The following PHF11 variants were observed in gnomAD, a reference collection of about 807,000 sequenced individuals.
The protein encoded by PHF11 is BRCA1 C-terminus-associated protein.
A neutral mutation model predicts 40.5 loss-of-function variants in PHF11; 38 were observed. The ratio of observed to expected loss-of-function variants is 0.94; its 90% CI spans 0.72 to 1.23. The LOEUF is 1.23. Ranked by LOEUF, PHF11 falls within the 50% of genes most tolerant of loss-of-function variation. PHF11 has a pLI of 0.00. For missense variants in PHF11, 369 were observed against 392.4 expected, an observed-to-expected ratio of 0.94 and a Z score of 0.50; for synonymous variants, 127 against 138.2, an observed-to-expected ratio of 0.92 and a Z score of 0.57.
intron 1 of PHF11, among the ~76,000 whole-genome samples, chr13:49,503,205 C>T (rs1278786638): frequency 2.6e-5 from 4 of 152,076 alleles, no homozygotes; most frequent in African/African-American, 9.7e-5. Flanking sequence ...TGGCTGCTTC[C>T]CTCTACAGTG....
At chr13:49,522,784 A>G (rs1428126085) in intron 6 of PHF11, among the ~76,000 whole-genome samples, 1 of 120,896 alleles carries the variant, frequency 8.3e-6, no homozygotes, top group African/African-American at 3.4e-5. Flanking sequence ...TTTTTTTTTG[A>G]GACAGAGTCT....
intron 1 of PHF11, among the ~76,000 whole-genome samples, chr13:49,498,652 A>G (rs1958858219): frequency 6.6e-6 from 1 of 152,154 alleles, no homozygotes; most frequent in African/African-American, 2.4e-5. Flanking sequence ...CAGTAACGTA[A>G]TACATTTCAG....
chr13:49,501,198 A>G (rs1004461015), intron 1 of PHF11, among the ~76,000 whole-genome samples: 2 of 151,826 alleles, frequency 1.3e-5, no homozygotes, highest in Non-Finnish European at 2.9e-5. Flanking sequence ...TTTTTAGTAG[A>G]GACGGGGTTT....
At chr13:49,518,618 T>C (rs1447557774) in intron 4 of PHF11, 1 of 152,188 alleles carries the variant, frequency 6.6e-6, no homozygotes, top group Non-Finnish European at 1.5e-5. Context: ...AATAGTCAAC[T>C]GAGGTAGATA....
At chr13:49,507,584 T>C (rs981066440) in intron 2 of PHF11, among the ~76,000 whole-genome samples, 1 of 152,208 alleles carries the variant, frequency 6.6e-6, no homozygotes, top group Non-Finnish European at 1.5e-5. Context: ...AAATTGTTCT[T>C]CAAAGAGATT....
rs1959199458 is a variant in PHF11 at position 49,523,229 on chromosome 13, G to A, written c.625G>A (p.Gly209Ser). The change falls in exon 7 of 10, where the codon GGC (glycine) becomes AGC (serine). Residue 209 changes from glycine (G) to serine (S), a missense_variant. Coordinates refer to ENST00000378319, the MANE Select transcript of PHF11 (RefSeq NM_001040443.3). The part of the protein sequence containing the change: ...TFIRQVKEEH[G>S]RHTDATVKVP... ...CATAAGACAAGTGAAAGAAGAGCAT[G>A]GCAGACACACAGGTTTGCGCTAAGT... is the stretch of plus-strand genomic sequence containing the variant. 1 of 1,610,258 alleles carries A rather than the reference G, an allele frequency of 6.2e-7. No homozygotes were observed. The highest frequency in any genetic ancestry group is 8.5e-7 in the Non-Finnish European group (1 of 1,176,572).
intron 7 of PHF11, chr13:49,523,478 T>C (rs1959201570): frequency 3.9e-6 from 2 of 509,388 alleles, no homozygotes; most frequent in Non-Finnish European, 6.9e-6. Context: ...CTTCTATTAA[T>C]AAAGACACAG....
chr13:49,498,181 G>C (rs1958844811), intron 1 of PHF11, among the ~76,000 whole-genome samples: 1 of 152,144 alleles, frequency 6.6e-6, no homozygotes, highest in Non-Finnish European at 1.5e-5. Flanking sequence ...GACATAGTAG[G>C]TACTCATTAA....
At chr13:49,526,221 C>A in intron 8 of PHF11, 166 bp from the exon 9 acceptor site, 6 of 539,160 alleles carry the variant, frequency 1.1e-5, no homozygotes, top group Non-Finnish European at 2.0e-5. Context: ...AATTACATTT[C>A]TGACAGCTTC....
Position 49,495,954 on chromosome 13 carries a change from C to T in PHF11, c.-48C>T, listed in dbSNP as rs1170260671. 7 of 1,282,356 alleles carry T rather than the reference C, an allele frequency of 5.5e-6. No homozygotes were observed. The highest frequency in any genetic ancestry group is 7.5e-6 in the Non-Finnish European group (7 of 934,610). 79.4% of individuals were successfully genotyped at this position (1,282,356 alleles called of 1,614,324 possible). Reference sequence around the variant, plus strand: ...AACGAAACCTAGTGCAGCTGGGGCACTTCCGGGATCTCGCTATCCGGCCGC... The same window carrying T: ...AACGAAACCTAGTGCAGCTGGGGCATTTCCGGGATCTCGCTATCCGGCCGC... On this transcript the variant is annotated 5_prime_UTR_variant, in exon 1 of 10. Coordinates refer to ENST00000378319, the MANE Select transcript of PHF11 (RefSeq NM_001040443.3).
At position 49,528,802 on chromosome 13, in the gene PHF11, G is replaced by A; in HGVS notation, c.*137G>A. Reference sequence around the variant, plus strand: ...CAGCAGCTCTTCCCTGTTCTTACTGGTTGACATTTTGATCACTCTTTGCAC... The same window carrying A: ...CAGCAGCTCTTCCCTGTTCTTACTGATTGACATTTTGATCACTCTTTGCAC... On this transcript the variant is annotated 3_prime_UTR_variant, in exon 10 of 10. Coordinates refer to ENST00000378319, the MANE Select transcript of PHF11 (RefSeq NM_001040443.3). The A allele has an allele frequency of 1.6e-6, 1 of 618,098 alleles. No individual in the cohort carries two copies. Among genetic ancestry groups the A allele is most frequent in the Non-Finnish European group, 2.8e-6 (1 of 357,046 alleles). The allele number at this position is 618,098 out of a possible 1,614,324, so 38.3% of individuals were successfully genotyped here.
At chr13:49,507,937 A>G (rs1412557914) in intron 2 of PHF11, among the ~76,000 whole-genome samples, 1 of 152,050 alleles carries the variant, frequency 6.6e-6, no homozygotes, top group East Asian at 1.9e-4. Flanking sequence ...TGGCTTTATT[A>G]CTAGCCTTGG....
chr13:49,506,757 G>A lies in PHF11; in HGVS notation c.216+1G>A. The A allele has an allele frequency of 6.2e-7, 1 of 1,605,098 alleles. No homozygotes were observed. The highest frequency in any genetic ancestry group is 1.7e-5 in the Admixed American group (1 of 59,684). On this transcript the variant is annotated splice_donor_variant, in intron 2 of 9. Coordinates refer to ENST00000378319, the MANE Select transcript of PHF11 (RefSeq NM_001040443.3). LOFTEE classifies it high-confidence loss of function. ...TATAGCTGCTCATGAGAATTGTTTG[G>A]TAAGTTACTTGAAAACATACTTCAA...
intron 1 of PHF11, chr13:49,496,492 G>T (rs1958812403): frequency 1.0e-5 from 10 of 995,408 alleles, no homozygotes; most frequent in Non-Finnish European, 1.2e-5. Context: ...GGTGAGGCAG[G>T]GGGCGGCCCT....
In PHF11 at chr13:49,528,868, A is replaced by C. The variant is rs1353883425; in HGVS notation, c.*203A>C. On this transcript the variant is annotated 3_prime_UTR_variant, in exon 10 of 10. Coordinates refer to ENST00000378319, the MANE Select transcript of PHF11 (RefSeq NM_001040443.3). ...GCTCACTGTCACATTCCCAGCACCT[A>C]GTATGCTCAGTAAATGTTTGTGGAA... The C allele has an allele frequency of 2.1e-6, 1 of 475,994 alleles. No homozygotes were observed. Among genetic ancestry groups the C allele is most frequent in the African/African-American group, 2.0e-5 (1 of 51,204 alleles). The allele number at this position is 475,994 out of a possible 1,614,324, so 29.5% of individuals were successfully genotyped here. A position where few individuals can be genotyped will look rare whatever the true frequency, so the allele number is the denominator to read the frequency against.
At chr13:49,523,056 C>T in intron 6 of PHF11, 119 bp from the exon 7 acceptor site, 2 of 770,970 alleles carry the variant, frequency 2.6e-6, no homozygotes, top group Non-Finnish European at 4.6e-6. Flanking sequence ...AGACACCGCG[C>T]CCAGCCAGGG....
At chr13:49,521,027 T>C (rs1419375074) in intron 5 of PHF11, 87 bp downstream of exon 5, 2 of 1,457,224 alleles carry the variant, frequency 1.4e-6, no homozygotes, top group Non-Finnish European at 1.8e-6. Context: ...TCTAGCCTCG[T>C]TGAATTAAAA....
At chr13:49,504,440 A>G (rs1034255305) in intron 1 of PHF11, among the ~76,000 whole-genome samples, 13 of 151,794 alleles carry the variant, frequency 8.6e-5, no homozygotes, top group Non-Finnish European at 1.9e-4. Context: ...TGAGTGACAG[A>G]GCGAGACTCT....
Position 49,522,086 on chromosome 13 carries a change from C to G in PHF11, c.549C>G (p.Pro183=). The G allele has an allele frequency of 6.4e-7, 1 of 1,558,674 alleles. No homozygotes were observed. Among genetic ancestry groups the G allele is most frequent in the African/African-American group, 1.4e-5 (1 of 73,794 alleles). Residue 183 remains proline (P), a synonymous_variant, in exon 6 of 10, where the codon CCC becomes CCG. Transcript: ENST00000378319. The stretch of plus-strand genomic sequence containing the variant: ...AAAGAAAAAGAGGAAGGAAGAAACC[C>G]CTCTCAGGCAATCATGTACAGGTAA... ...GVKRKRGRKK[P]LSGNHVQPPE...
Sources: allele counts gnomAD v4.1 joint callset (sites outside exome capture counted in the v4.1 genomes callset), GRCh38; gene constraint gnomAD v4.1.1; transcripts MANE v1.5; gene names NCBI Gene and HGNC (gene_info 2026-07-23, HGNC 2026-07-21).